The following GRIN2B variants were observed in gnomAD, a reference collection of about 807,000 sequenced individuals.
The protein encoded by GRIN2B is glutamate ionotropic receptor NMDA type subunit 2B.
In GRIN2B, 5 loss-of-function variants were observed where a neutral mutation model predicts 114.5. The observed-to-expected ratio is 0.04, with a 90% CI of 0.02 to 0.09. The LOEUF (loss-of-function observed/expected upper bound fraction) is 0.09. Among genes scored for constraint, GRIN2B ranks in the 10% least tolerant of loss-of-function variants. GRIN2B has a pLI of 1.00. For missense variants in GRIN2B, 1,108 were observed against 1,943.5 expected (o/e 0.57, Z 8.08); for synonymous variants, 787 against 745.1 (o/e 1.06, Z -0.92).
chr12:13,569,034 A>G (rs1273209967), intron 12 of GRIN2B, among the ~76,000 whole-genome samples: 1 of 152,206 alleles, frequency 6.6e-6, no homozygotes, highest in African/African-American at 2.4e-5. Context: ...CATAAAGAGC[A>G]GAGACCTTCC....
Position 13,753,949 on chromosome 12 carries a change from G to T in GRIN2B, c.412-34C>A. On this transcript the variant is annotated intron_variant, in intron 3 of 13. Transcript: ENST00000609686. This position sits in a 1 kb window ranked among gnomAD's most constrained non-coding sequence, Gnocchi z 6.2. ...AGAACAGGACAAAAAAAGGAAGAGA[G>T]AAAAAAATCAAACCAAAGATGGTAA... The T allele has an allele frequency of 1.4e-6, 2 of 1,424,242 alleles. No homozygotes were observed. Among genetic ancestry groups the T allele is most frequent in the South Asian group, 1.2e-5 (1 of 86,322 alleles). The allele number at this position is 1,424,242 out of a possible 1,614,324, so 88.2% of individuals were successfully genotyped here. A position where few individuals can be genotyped will look rare whatever the true frequency, so the allele number is the denominator to read the frequency against.
intron 2 of GRIN2B, among the ~76,000 whole-genome samples, chr12:13,907,534 T>C (rs944543514): frequency 4.6e-5 from 7 of 151,750 alleles, no homozygotes; most frequent in Admixed American, 2.0e-4. Context: ...AAGAGTACTA[T>C]TGCTTGATTC....
Position 13,552,958 on chromosome 12 carries a change from T to C in GRIN2B, c.*9825A>G, listed in dbSNP as rs2160517. 0.56 allele frequency: 85,691 copies of C among 152,038 alleles called. 28,111 individuals are homozygous for C. Among genetic ancestry groups the C allele is most frequent in the Non-Finnish European group, 0.71 (48,463 of 67,952 alleles). 9.4% of individuals were successfully genotyped at this position (152,038 alleles called of 1,614,324 possible). On this transcript the variant is annotated 3_prime_UTR_variant, in exon 14 of 14. Coordinates refer to ENST00000609686, the MANE Select transcript of GRIN2B (RefSeq NM_000834.5). ...TAACTTATTTGAGTTCAGTTCTCTA[T>C]AGTATGCTTTAAATTAGCACACAGT...
chr12:13,907,616 A>G (rs556436685), intron 2 of GRIN2B, among the ~76,000 whole-genome samples: 4 of 152,342 alleles, frequency 2.6e-5, no homozygotes, highest in African/African-American at 7.2e-5. Flanking sequence ...TGGTTATAAC[A>G]TAACAGGGAA....
chr12:13,654,167 C>T (rs1174601456), intron 5 of GRIN2B, among the ~76,000 whole-genome samples: 9 of 152,018 alleles, frequency 5.9e-5, no homozygotes, highest in Middle Eastern at 6.8e-3. Context: ...GGGAATCCTC[C>T]GATGAAAGGC....
chr12:13,773,849 C>A (rs1414946292), intron 3 of GRIN2B, among the ~76,000 whole-genome samples: 2 of 152,210 alleles, frequency 1.3e-5, no homozygotes, highest in Non-Finnish European at 2.9e-5. Flanking sequence ...TAGTTTCACA[C>A]AGGATAAGGC....
intron 4 of GRIN2B, among the ~76,000 whole-genome samples, chr12:13,750,333 G>A (rs984480645): frequency 6.6e-6 from 1 of 152,178 alleles, no homozygotes; most frequent in Non-Finnish European, 1.5e-5. Context: ...AACCAATTGC[G>A]ATTTCAGAGA....
chr12:13,569,596 G>A (rs933807585), intron 12 of GRIN2B, among the ~76,000 whole-genome samples: 4 of 152,166 alleles, frequency 2.6e-5, no homozygotes, highest in South Asian at 2.1e-4. Context: ...GATTTCAGAC[G>A]TCTAGTCTCT....
intron 2 of GRIN2B, among the ~76,000 whole-genome samples, chr12:13,967,751 G>A (rs1470711146): frequency 1.3e-5 from 2 of 152,200 alleles, no homozygotes; most frequent in Non-Finnish European, 2.9e-5. Flanking sequence ...GGAGCAGGAA[G>A]AGGCCAGTGA....
chr12:13,702,428 C>A (rs1175123292), intron 4 of GRIN2B, among the ~76,000 whole-genome samples: 1 of 152,114 alleles, frequency 6.6e-6, no homozygotes, highest in African/African-American at 2.4e-5. Context: ...TCTGGTCTGG[C>A]CTTATTATGC....
At chr12:13,932,310 A>G (rs1867049046) in intron 2 of GRIN2B, among the ~76,000 whole-genome samples, 1 of 152,196 alleles carries the variant, frequency 6.6e-6, no homozygotes, top group Non-Finnish European at 1.5e-5. Flanking sequence ...CCATGACTAC[A>G]TTACCCAAAA....
At chr12:13,632,788 G>T (rs1434091065) in intron 5 of GRIN2B, among the ~76,000 whole-genome samples, 1 of 152,164 alleles carries the variant, frequency 6.6e-6, no homozygotes, top group Non-Finnish European at 1.5e-5. Context: ...AAGTGACCTA[G>T]AAAACGTCTG....
intron 2 of GRIN2B, among the ~76,000 whole-genome samples, chr12:13,938,851 G>C (rs1318346090): frequency 6.6e-6 from 1 of 152,148 alleles, no homozygotes; most frequent in Non-Finnish European, 1.5e-5. Context: ...TCATGGACCT[G>C]TACACTTAAA....
intron 2 of GRIN2B, among the ~76,000 whole-genome samples, chr12:13,884,569 AT>A (rs976540809): frequency 7.2e-5 from 11 of 151,782 alleles, no homozygotes; most frequent in East Asian, 3.9e-4. Context: ...AGTAATGATA[AT>A]TTTTTTTCTC....
chr12:13,869,462 T>C (rs1865874149), intron 2 of GRIN2B, among the ~76,000 whole-genome samples: 1 of 152,160 alleles, frequency 6.6e-6, no homozygotes, highest in African/African-American at 2.4e-5. Context: ...CCATATAAAA[T>C]TGTTAATATT....
chr12:13,597,959 T>G (rs1395678337), intron 10 of GRIN2B, among the ~76,000 whole-genome samples: 1 of 152,190 alleles, frequency 6.6e-6, no homozygotes, highest in African/African-American at 2.4e-5. Flanking sequence ...AGCCAAGAAA[T>G]AAAACTCAAC....
intron 3 of GRIN2B, among the ~76,000 whole-genome samples, chr12:13,845,024 T>C (rs1159571427): frequency 2.6e-5 from 4 of 152,122 alleles, no homozygotes; most frequent in African/African-American, 9.7e-5. Flanking sequence ...GAGCACTTCT[T>C]TCCTAAGTAG....
Position 13,539,007 on chromosome 12 carries a change from G to A in GRIN2B, c.*23776C>T, listed in dbSNP as rs1227621011. 1 of 151,968 alleles carries A rather than the reference G, an allele frequency of 6.6e-6. No individual in the cohort carries two copies. Among genetic ancestry groups the A allele is most frequent in the African/African-American group, 2.4e-5 (1 of 41,374 alleles). The allele number at this position is 151,968 out of a possible 1,614,324, so 9.4% of individuals were successfully genotyped here. Reference sequence around the variant, plus strand: ...CAAAAAAAATTTGGGGTTTAAGGAAGTATCTCCAGAAGTAAAGAGAATCAC... The same window carrying A: ...CAAAAAAAATTTGGGGTTTAAGGAAATATCTCCAGAAGTAAAGAGAATCAC... On this transcript the variant is annotated 3_prime_UTR_variant, in exon 14 of 14. Coordinates refer to ENST00000609686, the MANE Select transcript of GRIN2B (RefSeq NM_000834.5).
At chr12:13,725,438 C>A (rs1862965827) in intron 4 of GRIN2B, among the ~76,000 whole-genome samples, 1 of 152,188 alleles carries the variant, frequency 6.6e-6, no homozygotes, top group Admixed American at 6.5e-5. Flanking sequence ...GCAAGGTGTT[C>A]TCCTAGTCAT....
Sources: allele counts gnomAD v4.1 joint callset (sites outside exome capture counted in the v4.1 genomes callset), GRCh38; gene constraint gnomAD v4.1.1; non-coding constraint Gnocchi (gnomAD v3.1); transcripts MANE v1.5; gene names NCBI Gene and HGNC (gene_info 2026-07-23, HGNC 2026-07-21).